Variants in MBNL2 observed in about 807,000 individuals in gnomAD.
MBNL2 encodes muscleblind-like protein 2.
In MBNL2, 17 loss-of-function variants were observed where a neutral mutation model predicts 41.9. The ratio of observed to expected loss-of-function variants is 0.41; its 90% CI spans 0.28 to 0.61. The LOEUF (loss-of-function observed/expected upper bound fraction) is 0.61, where lower values mean the gene tolerates loss of function less well. Ranked by LOEUF, MBNL2 falls within the 20% of genes least tolerant of loss-of-function variation. The pLI is 0.35. For missense variants in MBNL2, 336 were observed against 505.6 expected (o/e 0.66, Z 3.22); for synonymous variants, 195 against 182.9 (o/e 1.07, Z -0.53).
intron 1 of MBNL2, among the ~76,000 whole-genome samples, chr13:97,244,450 C>T (rs866327095): frequency 9.2e-5 from 14 of 152,134 alleles, no homozygotes; most frequent in South Asian, 6.2e-4. Flanking sequence ...TAAGAGAAAT[C>T]GGGAAACAAA....
chr13:97,348,835 T>C (rs2062144535), intron 5 of MBNL2, among the ~76,000 whole-genome samples: 1 of 152,190 alleles, frequency 6.6e-6, no homozygotes, highest in African/African-American at 2.4e-5. Flanking sequence ...AGGGTAGCTG[T>C]CACACAAACA....
At chr13:97,380,620 C>T (rs890962920) in intron 8 of MBNL2, among the ~76,000 whole-genome samples, 8 of 152,020 alleles carry the variant, frequency 5.3e-5, no homozygotes, top group Admixed American at 2.0e-4. Context: ...GGGGGACAGG[C>T]GATACACAAA....
rs746492814 is a variant in MBNL2 at position 97,346,872 on chromosome 13, A to G, written c.609A>G (p.Ala203=). ...GETDCRFAHP[A]DSTMIDTSDN... is the part of the protein sequence containing the mutation. ...CCGACTGCCGCTTTGCACACCCCGCAGACAGCACCATGATCGACACAAGTG... is the reference window on the plus strand; with the variant it reads ...CCGACTGCCGCTTTGCACACCCCGCGGACAGCACCATGATCGACACAAGTG... Residue 203 remains alanine, a synonymous_variant, in exon 5 of 9, where the codon GCA becomes GCG. Transcript: ENST00000679496. This position sits in a 1 kb window ranked among gnomAD's most constrained non-coding sequence, Gnocchi z 4.2. 8 of 1,613,926 alleles carry G rather than the reference A, an allele frequency of 5.0e-6. No individual in the cohort carries two copies. Among genetic ancestry groups the G allele is most frequent in the Non-Finnish European group, 6.8e-6 (8 of 1,179,860 alleles).
At chr13:97,242,841 A>T (rs2044583158) in intron 1 of MBNL2, among the ~76,000 whole-genome samples, 1 of 149,342 alleles carries the variant, frequency 6.7e-6, no homozygotes, top group Non-Finnish European at 1.5e-5. Context: ...ATCTGTGGGG[A>T]TGCTACTATA....
At chr13:97,341,973 C>T (rs60805672) in intron 3 of MBNL2, among the ~76,000 whole-genome samples, 45,446 of 152,024 alleles carry the variant, frequency 0.3, 7,022 homozygotes, top group African/African-American at 0.36. Flanking sequence ...TGTTAAAAGA[C>T]TGCATTAATA....
the MBNL2 span, among the ~76,000 whole-genome samples, chr13:97,204,312 TAG>T: frequency 4.9e-4 from 74 of 152,234 alleles, no homozygotes; most frequent in African/African-American, 1.6e-3. Flanking sequence ...ATCTCATCCA[TAG>T]AGAGTTTGAA....
chr13:97,304,718 A>G (rs373876488), intron 2 of MBNL2, among the ~76,000 whole-genome samples: 18 of 152,360 alleles, frequency 1.2e-4, no homozygotes, highest in East Asian at 1.2e-3. Flanking sequence ...ATGTGATGAA[A>G]TGACAGAGCT....
At chr13:97,261,678 ACTTCAGGCACTGGCTGGAAGGC>A (rs1240990302) in intron 1 of MBNL2, among the ~76,000 whole-genome samples, 1 of 152,012 alleles carries the variant, frequency 6.6e-6, no homozygotes, top group Non-Finnish European at 1.5e-5. Context: ...GATTTCCCAC[ACTTCAGGCACTGGCTGGAAGGC>A]CCCAGCACCA....
At chr13:97,180,224 C>T in the MBNL2 span, among the ~76,000 whole-genome samples, 2 of 152,106 alleles carry the variant, frequency 1.3e-5, no homozygotes, top group African/African-American at 4.8e-5. Context: ...AGGTTTCTGG[C>T]TTGAACGTCT....
chr13:97,235,989 G>T (rs186775444), intron 1 of MBNL2, among the ~76,000 whole-genome samples: 304 of 152,276 alleles, frequency 2.0e-3, no homozygotes, highest in African/African-American at 6.6e-3. Context: ...GGTGATGGGC[G>T]TTGGAGCTGA....
chr13:97,391,503 A>G lies in MBNL2; in HGVS notation c.*54A>G, dbSNP rs2066392990. On this transcript the variant is annotated 3_prime_UTR_variant, in exon 9 of 9. Coordinates refer to ENST00000679496, the MANE Select transcript of MBNL2 (RefSeq NM_001382683.1). Reference sequence around the variant, plus strand: ...ACAACTCTAAGAAGCTAGTGCTGCTATCTCATATATGAGTATTAAATATGG... The same window carrying G: ...ACAACTCTAAGAAGCTAGTGCTGCTGTCTCATATATGAGTATTAAATATGG... The G allele has an allele frequency of 3.7e-6, 3 of 803,690 alleles. No individual in the cohort carries two copies. Among genetic ancestry groups the G allele is most frequent in the East Asian group, 2.4e-5 (1 of 40,862 alleles). 49.8% of individuals were successfully genotyped at this position (803,690 alleles called of 1,614,324 possible).
chr13:97,269,971 C>T lies in MBNL2; in HGVS notation c.-604-5661C>T, dbSNP rs566493875. 3.2e-4 allele frequency among the ~76,000 whole-genome samples: 48 copies of T among 152,286 alleles called. 1 individual carries two copies. Among genetic ancestry groups the T allele is most frequent in the Admixed American group, 1.3e-4 (2 of 15,294 alleles). ...AAAATCACAGAATACTTTTATATTT[C>T]CACTATAATCTGTCTTTCATGGCAG... On this transcript the variant is annotated intron_variant, in intron 1 of 8. Coordinates refer to ENST00000679496, the MANE Select transcript of MBNL2 (RefSeq NM_001382683.1).
intron 7 of MBNL2, among the ~76,000 whole-genome samples, chr13:97,361,973 A>T (rs1469922022): frequency 6.6e-6 from 1 of 151,528 alleles, no homozygotes; most frequent in Non-Finnish European, 1.5e-5. Flanking sequence ...GGATTTTACC[A>T]TCTTGGCCAG....
the MBNL2 span, among the ~76,000 whole-genome samples, chr13:97,164,452 A>G: frequency 1.3e-5 from 2 of 152,344 alleles, no homozygotes; most frequent in Non-Finnish European, 2.9e-5. Context: ...TAAATAAGGA[A>G]TGAGCAGATG....
chr13:97,180,450 T>TG, the MBNL2 span, among the ~76,000 whole-genome samples: 1 of 152,066 alleles, frequency 6.6e-6, no homozygotes, highest in East Asian at 1.9e-4. Context: ...TCAAATGGTG[T>TG]GATCGGCCAG....
At chr13:97,212,809 T>C in the MBNL2 span, among the ~76,000 whole-genome samples, 17,893 of 152,224 alleles carry the variant, frequency 0.12, 1,774 homozygotes, top group African/African-American at 0.27. Context: ...GTGCTTGTCA[T>C]GAGTAGCATT....
At chr13:97,182,988 T>C in the MBNL2 span, among the ~76,000 whole-genome samples, 1 of 152,296 alleles carries the variant, frequency 6.6e-6, no homozygotes, top group Admixed American at 6.5e-5. Flanking sequence ...ACAATATCAA[T>C]AAAAAGTCTG....
the MBNL2 span, chr13:97,172,415 G>T: frequency 6.6e-6 from 1 of 152,178 alleles, no homozygotes; most frequent in East Asian, 1.9e-4. Flanking sequence ...ACCTGAAAAG[G>T]TGAAACGATT....
intron 2 of MBNL2, among the ~76,000 whole-genome samples, chr13:97,279,470 A>T (rs2052898373): frequency 6.6e-6 from 1 of 152,228 alleles, no homozygotes; most frequent in Non-Finnish European, 1.5e-5. Context: ...AAAGTATCCC[A>T]GGATAGTCAC....
Sources: gnomAD v4.1 joint callset for allele counts (sites outside exome capture counted in the v4.1 genomes callset) on GRCh38, gnomAD v4.1.1 for gene constraint, Gnocchi (gnomAD v3.1) non-coding constraint, MANE v1.5 for transcripts, NCBI Gene and HGNC (gene_info 2026-07-23, HGNC 2026-07-21) for gene names.